Variants in CNTN3 observed in about 807,000 individuals in gnomAD.
CNTN3 encodes contactin-3.
In CNTN3, 60 loss-of-function variants were observed where a neutral mutation model predicts 119.1. That is an observed-to-expected ratio of 0.50 (90% confidence interval 0.41 to 0.62). The LOEUF (loss-of-function observed/expected upper bound fraction) is 0.62. CNTN3 is among the 20% of genes least tolerant of loss of function. CNTN3 has a pLI of 0.00. For missense variants in CNTN3, 1,101 were observed against 1,242.4 expected, an observed-to-expected ratio of 0.89 and a Z score of 1.71; for synonymous variants, 450 against 438.7, an observed-to-expected ratio of 1.03 and a Z score of -0.32.
chr3:74,488,031 TTATA>T (rs1399303677), intron 3 of CNTN3, among the ~76,000 whole-genome samples: 1 of 149,242 alleles, frequency 6.7e-6, no homozygotes, highest in African/African-American at 2.4e-5. Flanking sequence ...TACTGTATAA[TTATA>T]TAGTGTAATA....
chr3:74,404,937 C>T (rs1031616143), intron 5 of CNTN3, among the ~76,000 whole-genome samples: 1 of 151,956 alleles, frequency 6.6e-6, no homozygotes, highest in African/African-American at 2.4e-5. Flanking sequence ...TCGAATCCAT[C>T]ACATTTTTCA....
chr3:74,355,163 A>G (rs569962758), intron 11 of CNTN3, among the ~76,000 whole-genome samples: 2 of 152,160 alleles, frequency 1.3e-5, no homozygotes, highest in South Asian at 4.2e-4. Flanking sequence ...TGCCATTTCT[A>G]TAAGGTTCCC....
At chr3:74,608,304 G>T (rs917685472) in intron 1 of CNTN3, among the ~76,000 whole-genome samples, 4 of 152,144 alleles carry the variant, frequency 2.6e-5, no homozygotes, top group African/African-American at 7.2e-5. Flanking sequence ...AGGATGACTG[G>T]TGAGACTGTT....
intron 20 of CNTN3, among the ~76,000 whole-genome samples, chr3:74,275,587 C>A (rs1426991383): frequency 6.6e-6 from 1 of 151,910 alleles, no homozygotes; most frequent in East Asian, 1.9e-4. Flanking sequence ...TTTTTTCAGA[C>A]AAATCGCCAC....
chr3:74,497,166 A>G (rs979556615), intron 3 of CNTN3, among the ~76,000 whole-genome samples: 2 of 151,922 alleles, frequency 1.3e-5, no homozygotes, highest in African/African-American at 4.8e-5. Flanking sequence ...GATCCACCAT[A>G]TTCTTCCTTT....
intron 2 of CNTN3, among the ~76,000 whole-genome samples, chr3:74,517,429 C>T (rs1055323210): frequency 2.0e-5 from 3 of 151,876 alleles, no homozygotes; most frequent in East Asian, 1.9e-4. Flanking sequence ...GGAAAGCAAA[C>T]GGTTCATTTA....
chr3:74,272,304 C>G (rs1459583928), intron 20 of CNTN3, among the ~76,000 whole-genome samples: 1 of 152,166 alleles, frequency 6.6e-6, no homozygotes, highest in Non-Finnish European at 1.5e-5. Context: ...CAATCTTGGT[C>G]TAGAAGATTC....
intron 11 of CNTN3, among the ~76,000 whole-genome samples, chr3:74,344,179 T>G (rs1249525084): frequency 4.6e-5 from 7 of 152,150 alleles, no homozygotes; most frequent in African/African-American, 1.4e-4. Flanking sequence ...TCAATAAATA[T>G]TTGTTGTCTC....
rs927040209 is a variant in CNTN3, at chr3:74,334,964, T to C, written c.1493-54A>G. 7 of 1,387,900 alleles carry C rather than the reference T, an allele frequency of 5.0e-6. No homozygotes were observed. The Admixed American group carries it at 1.1e-4, about 21-fold the overall frequency. The allele number at this position is 1,387,900 out of a possible 1,614,324, so 86.0% of individuals were successfully genotyped here. Reference sequence around the variant, plus strand: ...CAGCATTTTATTGTGATAAAAGACATTTGCACAGGCAGACTGTTCATCTAA... The same window carrying C: ...CAGCATTTTATTGTGATAAAAGACACTTGCACAGGCAGACTGTTCATCTAA... On this transcript the variant is annotated intron_variant, in intron 12 of 22. Coordinates refer to ENST00000263665, the MANE Select transcript of CNTN3 (RefSeq NM_020872.3).
At chr3:74,593,440 C>G (rs1263025658) in intron 1 of CNTN3, among the ~76,000 whole-genome samples, 1 of 151,908 alleles carries the variant, frequency 6.6e-6, no homozygotes, top group South Asian at 2.1e-4. Context: ...CTTTAAATTT[C>G]CAAAAATATA....
chr3:74,308,778 C>T (rs1183065071), intron 13 of CNTN3, among the ~76,000 whole-genome samples: 1 of 152,012 alleles, frequency 6.6e-6, no homozygotes, highest in Non-Finnish European at 1.5e-5. Context: ...TATCCTGGTA[C>T]CAAATGTTCT....
intron 4 of CNTN3, among the ~76,000 whole-genome samples, chr3:74,433,467 C>G (rs7614373): frequency 0.67 from 101,419 of 152,068 alleles, 33,991 homozygotes; most frequent in East Asian, 0.72. Flanking sequence ...ATTTTTCTAA[C>G]ACTATTTAGG....
At chr3:74,298,322 T>C (rs940090355) in intron 17 of CNTN3, 131 bp from the exon 18 acceptor site, 9 of 506,338 alleles carry the variant, frequency 1.8e-5, no homozygotes, top group African/African-American at 5.9e-5. Context: ...AGCAGTTGCA[T>C]GAAAAAAGGA....
chr3:74,369,860 C>T (rs201674912), intron 7 of CNTN3, 29 bp downstream of exon 7: 39 of 1,160,042 alleles, frequency 3.4e-5, no homozygotes, highest in Admixed American at 2.4e-4. Flanking sequence ...AATATTTCAG[C>T]ACATAGGAGT....
chr3:74,334,846 C>T lies in CNTN3; in HGVS notation c.1557G>A (p.Leu519=). ...MDVSVGESVI[L]PCQVQHDPLL... Reference sequence around the variant, plus strand: ...GCGGGTCATGTTGTACCTGGCAGGGCAATATGACGCTTTCACCAACAGAAA... The same window carrying T: ...GCGGGTCATGTTGTACCTGGCAGGGTAATATGACGCTTTCACCAACAGAAA... Residue 519 remains leucine, a synonymous_variant, in exon 13 of 23, where the codon TTG becomes TTA. Coordinates refer to ENST00000263665, the MANE Select transcript of CNTN3 (RefSeq NM_020872.3). 6.2e-7 allele frequency: 1 copy of T among 1,613,554 alleles called. No homozygotes were observed. The highest frequency in any genetic ancestry group is 8.5e-7 in the Non-Finnish European group (1 of 1,179,662).
At chr3:74,593,593 C>T (rs1704740735) in intron 1 of CNTN3, among the ~76,000 whole-genome samples, 2 of 151,848 alleles carry the variant, frequency 1.3e-5, no homozygotes, top group Admixed American at 1.3e-4. Flanking sequence ...GATCGAGTAC[C>T]TCTGTGCCAG....
At chr3:74,391,271 T>C (rs1034661093) in intron 5 of CNTN3, among the ~76,000 whole-genome samples, 1 of 152,092 alleles carries the variant, frequency 6.6e-6, no homozygotes, top group African/African-American at 2.4e-5. Context: ...CTGCTAACAA[T>C]GTGTAGATTT....
chr3:74,511,813 G>A (rs1298209401), intron 2 of CNTN3, among the ~76,000 whole-genome samples: 1 of 152,146 alleles, frequency 6.6e-6, no homozygotes, highest in African/African-American at 2.4e-5. Flanking sequence ...TACAAGGGCA[G>A]AGTTGAGTAG....
At chr3:74,280,976 T>G (rs1701994472) in intron 20 of CNTN3, among the ~76,000 whole-genome samples, 1 of 151,846 alleles carries the variant, frequency 6.6e-6, no homozygotes, top group African/African-American at 2.4e-5. Context: ...GGGGAGTGCA[T>G]TATGTGGGTA....
Sources: allele counts gnomAD v4.1 joint callset (sites outside exome capture counted in the v4.1 genomes callset), GRCh38; gene constraint gnomAD v4.1.1; transcripts MANE v1.5; gene names NCBI Gene and HGNC (gene_info 2026-07-23, HGNC 2026-07-21).